FBXO28: variants seen among roughly 807,000 people sequenced by gnomAD.
The protein encoded by FBXO28 is F-box protein 28, also known as F-box only protein 28.
In FBXO28, 8 loss-of-function variants were observed where a neutral mutation model predicts 38.1. The observed-to-expected ratio is 0.21, with a 90% CI of 0.12 to 0.38. The LOEUF (loss-of-function observed/expected upper bound fraction) is 0.38, where lower values mean the gene tolerates loss of function less well. FBXO28 is among the 10% of genes least tolerant of loss of function. The pLI, the probability that FBXO28 is intolerant of heterozygous loss-of-function variation, is 1.00. For missense variants in FBXO28, 345 were observed against 460.6 expected, an observed-to-expected ratio of 0.75 and a Z score of 2.30; for synonymous variants, 168 against 173.8, an observed-to-expected ratio of 0.97 and a Z score of 0.26.
chr1:224,136,799 T>C (rs772387772), intron 3 of FBXO28, among the ~76,000 whole-genome samples: 3 of 151,562 alleles, frequency 2.0e-5, no homozygotes, highest in African/African-American at 4.9e-5. Flanking sequence ...TCGCCCAGGC[T>C]GGAGTCCATT....
chr1:224,137,356 C>G (rs1219552505), intron 3 of FBXO28, among the ~76,000 whole-genome samples: 1 of 151,380 alleles, frequency 6.6e-6, no homozygotes. Context: ...AACCCCATCT[C>G]TACTAAAAAT....
chr1:224,145,985 G>C (rs887110197), intron 3 of FBXO28, among the ~76,000 whole-genome samples: 1 of 151,724 alleles, frequency 6.6e-6, no homozygotes, highest in Admixed American at 6.6e-5. Flanking sequence ...AGAACTGCTT[G>C]TATCCGGGAG....
intron 2 of FBXO28, among the ~76,000 whole-genome samples, chr1:224,132,478 A>G: frequency 6.6e-6 from 1 of 152,288 alleles, no homozygotes; most frequent in South Asian, 2.1e-4. Flanking sequence ...AATGTTGGGA[A>G]TGTAAAATGG....
At chr1:224,154,558 C>G (rs1387247601) in intron 4 of FBXO28, among the ~76,000 whole-genome samples, 1 of 151,980 alleles carries the variant, frequency 6.6e-6, no homozygotes, top group East Asian at 1.9e-4. Context: ...CCTGTAATCC[C>G]AGCACTTTGG....
intron 1 of FBXO28, among the ~76,000 whole-genome samples, chr1:224,123,576 G>A (rs1210693676): frequency 6.6e-6 from 1 of 151,712 alleles, no homozygotes; most frequent in Non-Finnish European, 1.5e-5. Context: ...TCGTGGTGGT[G>A]CCTTTTTTTT....
At chr1:224,130,196 G>A (rs1419187004) in intron 1 of FBXO28, among the ~76,000 whole-genome samples, 2 of 152,030 alleles carry the variant, frequency 1.3e-5, no homozygotes, top group Admixed American at 1.3e-4. Flanking sequence ...ACAAAAATTA[G>A]CCAGGCATGA....
chr1:224,130,511 A>C lies in FBXO28; in HGVS notation c.307A>C (p.Asn103His). 6.2e-7 allele frequency: 1 copy of C among 1,613,986 alleles called. No homozygotes were observed. Among genetic ancestry groups the C allele is most frequent in the Non-Finnish European group, 8.5e-7 (1 of 1,179,924 alleles). The change falls in exon 2 of 5, where the codon AAT becomes CAT. Residue 103 changes from asparagine to histidine, a missense_variant. Around this residue, in one of 6 missense-constraint regions of FBXO28, gnomAD observed 56 missense variants for 99.8 expected, o/e 0.56. Transcript: ENST00000366862. ...GGACTTGGTCTGCCAGAGAATGTTG[A>C]ATCAGGGATTTCTGAAAGTGGAGAG... ...RMDLVCQRML[N>H]QGFLKVERYH...
chr1:224,121,507 G>T (rs10916328), intron 1 of FBXO28, among the ~76,000 whole-genome samples: 1 of 151,994 alleles, frequency 6.6e-6, no homozygotes, highest in African/African-American at 2.4e-5. Context: ...TTAGGCAGTA[G>T]GTAGAAGAGA....
chr1:224,116,469 G>C (rs931148749), intron 1 of FBXO28, among the ~76,000 whole-genome samples: 2 of 152,162 alleles, frequency 1.3e-5, no homozygotes, highest in East Asian at 3.8e-4. Flanking sequence ...GCTGCTATCT[G>C]ACATATAAGT....
intron 1 of FBXO28, among the ~76,000 whole-genome samples, chr1:224,127,245 C>T (rs1249163800): frequency 1.3e-5 from 2 of 149,168 alleles, no homozygotes; most frequent in African/African-American, 4.9e-5. Context: ...CACAAGTATA[C>T]ATGGAGTTTT....
intron 3 of FBXO28, among the ~76,000 whole-genome samples, chr1:224,137,827 C>G (rs961575867): frequency 6.6e-6 from 1 of 151,772 alleles, no homozygotes; most frequent in Non-Finnish European, 1.5e-5. Context: ...GGTTACCTCT[C>G]CAATTGCAGG....
chr1:224,141,467 T>C lies in FBXO28; in HGVS notation c.516+7255T>C, dbSNP rs1184368730. 6.1e-5 allele frequency among the ~76,000 whole-genome samples: 7 copies of C among 115,644 alleles called. No homozygotes were observed. In the East Asian group the frequency reaches 8.5e-4, roughly 14 times the overall value. 75.9% of individuals were successfully genotyped at this position (115,644 alleles called of 152,430 possible). On this transcript the variant is annotated intron_variant, in intron 3 of 4. Transcript: ENST00000366862. ...GCCTGGGCGACAGAGCAAGACTGTG[T>C]CTCAAAAAAAAAAAAAAAAGATGCA...
chr1:224,136,149 G>C (rs901857701), intron 3 of FBXO28, among the ~76,000 whole-genome samples: 2 of 110,694 alleles, frequency 1.8e-5, no homozygotes, highest in African/African-American at 7.2e-5. Context: ...TGTCACCCAG[G>C]CTGGAGTGCA....
At chr1:224,123,880 G>A (rs1429998546) in intron 1 of FBXO28, among the ~76,000 whole-genome samples, 3 of 152,152 alleles carry the variant, frequency 2.0e-5, no homozygotes, top group Non-Finnish European at 4.4e-5. Flanking sequence ...AGACTGAGGC[G>A]AGTGGATCAC....
rs752507608 is a variant in FBXO28, at chr1:224,158,015, T to C, written c.*269T>C. 20 of 1,198,056 alleles carry C rather than the reference T, an allele frequency of 1.7e-5. No homozygotes were observed. Among genetic ancestry groups the C allele is most frequent in the Admixed American group, 8.2e-5 (2 of 24,366 alleles). 74.2% of individuals were successfully genotyped at this position (1,198,056 alleles called of 1,614,324 possible). A position where few individuals can be genotyped will look rare whatever the true frequency, so the allele number is the denominator to read the frequency against. ...AGTTAACTTTTTTCTGTGCAGATAA[T>C]GTTGAAAGTAAGTTAATTTGTTTCT... On this transcript the variant is annotated 3_prime_UTR_variant, in exon 5 of 5. Transcript: ENST00000366862.
chr1:224,153,530 T>G (rs1657695286), intron 4 of FBXO28, among the ~76,000 whole-genome samples, 193 bp downstream of exon 4: 1 of 152,194 alleles, frequency 6.6e-6, no homozygotes, highest in Non-Finnish European at 1.5e-5. Context: ...GTTTCTAGCT[T>G]TTCAGTACTT....
intron 3 of FBXO28, among the ~76,000 whole-genome samples, chr1:224,139,756 GCATGCATGCATA>G (rs1211571790): frequency 2.5e-4 from 8 of 32,376 alleles, no homozygotes; most frequent in Non-Finnish European, 6.0e-4. Flanking sequence ...ATACATACAT[GCATGCATGCATA>G]CATACATACA....
chr1:224,135,990 A>G (rs1311121149), intron 3 of FBXO28, among the ~76,000 whole-genome samples: 1 of 151,884 alleles, frequency 6.6e-6, no homozygotes, highest in Non-Finnish European at 1.5e-5. Context: ...AGCCGAGATC[A>G]TGCCACTGCA....
At chr1:224,127,554 AG>A (rs1163809876) in intron 1 of FBXO28, among the ~76,000 whole-genome samples, 2 of 152,244 alleles carry the variant, frequency 1.3e-5, no homozygotes, top group African/African-American at 4.8e-5. Context: ...TTTTTTCAGT[AG>A]ACACTGAACA....
Sources: gnomAD v4.1 joint callset for allele counts (sites outside exome capture counted in the v4.1 genomes callset) on GRCh38, gnomAD v4.1.1 for gene constraint, gnomAD v4.1.1 regional missense constraint, MANE v1.5 for transcripts, NCBI Gene and HGNC (gene_info 2026-07-23, HGNC 2026-07-21) for gene names.